The following LRRC37A2 variants were observed in gnomAD, a reference collection of about 807,000 sequenced individuals.
The protein encoded by LRRC37A2 is leucine rich repeat containing 37 member A2.
Under a neutral mutation model 68.8 loss-of-function variants are expected in LRRC37A2, and 9 were observed. The ratio of observed to expected loss-of-function variants is 0.13; its 90% CI spans 0.08 to 0.23. The LOEUF (loss-of-function observed/expected upper bound fraction) is 0.23, where lower values mean the gene tolerates loss of function less well. Among genes scored for constraint, LRRC37A2 ranks in the 10% least tolerant of loss-of-function variants. The pLI is 1.00. For synonymous variants in LRRC37A2, 63 were observed against 367.6 expected (o/e 0.17, Z 9.48); for missense variants, 168 against 950.4 (o/e 0.18, Z 10.82).
the LRRC37A2 span, among the ~76,000 whole-genome samples, chr17:46,999,403 A>T: frequency 1.3e-5 from 2 of 152,116 alleles, no homozygotes; most frequent in East Asian, 3.9e-4. Flanking sequence ...CATACCCAGG[A>T]TGTAGTGCAA....
the LRRC37A2 span, among the ~76,000 whole-genome samples, chr17:46,626,001 T>A: frequency 6.7e-6 from 1 of 149,328 alleles, no homozygotes; most frequent in Admixed American, 6.6e-5. Flanking sequence ...GGACTGTTTT[T>A]TTTTTTATTT....
chr17:46,789,967 G>A, the LRRC37A2 span, among the ~76,000 whole-genome samples: 6 of 152,112 alleles, frequency 3.9e-5, no homozygotes, highest in East Asian at 3.8e-4. Context: ...CCCCCACGGC[G>A]CTGAGGATGG....
At chr17:46,980,814 C>T in the LRRC37A2 span, among the ~76,000 whole-genome samples, 3 of 151,602 alleles carry the variant, frequency 2.0e-5, no homozygotes, top group Non-Finnish European at 4.4e-5. Flanking sequence ...GCCTGGGTGA[C>T]AGAGCGAGAC....
At chr17:46,935,724 C>T in the LRRC37A2 span, 2 of 988,898 alleles carry the variant, frequency 2.0e-6, no homozygotes, top group Non-Finnish European at 2.4e-6. Flanking sequence ...TCTTCACTCC[C>T]TAGCCTTAGG....
At chr17:46,388,044 G>A in the LRRC37A2 span, among the ~76,000 whole-genome samples, 17 of 630 alleles carry the variant, frequency 0.027, no homozygotes, top group Middle Eastern at 0.25. Context: ...CTTTAAAACA[G>A]ACAAACACTC....
At chr17:46,973,769 C>T in the LRRC37A2 span, among the ~76,000 whole-genome samples, 1 of 152,132 alleles carries the variant, frequency 6.6e-6, no homozygotes, top group Non-Finnish European at 1.5e-5. Context: ...AGATACTACT[C>T]GGAAATCCCA....
the LRRC37A2 span, chr17:46,756,813 C>T: frequency 6.6e-6 from 1 of 152,640 alleles, no homozygotes; most frequent in African/African-American, 2.4e-5. Flanking sequence ...TTCTAGCCCT[C>T]TCCCTCAGTC....
the LRRC37A2 span, among the ~76,000 whole-genome samples, chr17:46,949,587 C>A: frequency 6.6e-6 from 1 of 152,136 alleles, no homozygotes; most frequent in Admixed American, 6.5e-5. Flanking sequence ...GCCACACTCC[C>A]CTTGAATGAT....
the LRRC37A2 span, among the ~76,000 whole-genome samples, chr17:46,815,172 C>T: frequency 1.3e-4 from 20 of 152,214 alleles, no homozygotes; most frequent in Admixed American, 2.6e-4. Flanking sequence ...ATCCCCCCAC[C>T]CCAGCGCCCC....
the LRRC37A2 span, chr17:47,024,861 A>G: frequency 8.3e-6 from 5 of 602,578 alleles, no homozygotes; most frequent in South Asian, 9.9e-5. Context: ...AAATTCTGCA[A>G]TTCTGTAAGT....
At chr17:46,966,356 C>T in the LRRC37A2 span, among the ~76,000 whole-genome samples, 1 of 152,138 alleles carries the variant, frequency 6.6e-6, no homozygotes, top group Non-Finnish European at 1.5e-5. Flanking sequence ...CGATCATGGC[C>T]CATTGTGTGA....
At chr17:46,760,142 G>T in the LRRC37A2 span, among the ~76,000 whole-genome samples, 1 of 152,130 alleles carries the variant, frequency 6.6e-6, no homozygotes, top group Admixed American at 6.6e-5. Flanking sequence ...GAGTGCGCCT[G>T]AGTCCTAGTT....
chr17:46,496,931 ATTACTTAAT>A, the LRRC37A2 span, among the ~76,000 whole-genome samples: 1 of 141,224 alleles, frequency 7.1e-6, no homozygotes, highest in Non-Finnish European at 1.6e-5. Flanking sequence ...AAAAAAAAAA[ATTACTTAAT>A]ATTAATATAA....
chr17:46,892,759 C>G, the LRRC37A2 span, among the ~76,000 whole-genome samples: 1 of 151,884 alleles, frequency 6.6e-6, no homozygotes, highest in Non-Finnish European at 1.5e-5. Context: ...ACTGGGGGCT[C>G]AAGGATGGAC....
the LRRC37A2 span, among the ~76,000 whole-genome samples, chr17:46,965,243 A>T: frequency 1.3e-5 from 2 of 152,238 alleles, no homozygotes; most frequent in Non-Finnish European, 2.9e-5. Context: ...AACCTGTCCC[A>T]GTCTTTACAG....
chr17:46,739,285 C>T, the LRRC37A2 span, among the ~76,000 whole-genome samples: 3 of 148,412 alleles, frequency 2.0e-5, no homozygotes, highest in Non-Finnish European at 4.4e-5. Context: ...GCAGGAGAAT[C>T]GCTTGAACCC....
the LRRC37A2 span, among the ~76,000 whole-genome samples, chr17:46,569,323 G>A: frequency 6.7e-6 from 1 of 149,668 alleles, no homozygotes; most frequent in African/African-American, 2.5e-5. Flanking sequence ...TATTAATTTT[G>A]GAGATGTTAT....
At chr17:46,935,210 T>C in the LRRC37A2 span, 1 of 1,613,010 alleles carries the variant, frequency 6.2e-7, no homozygotes. Context: ...GCCTCTTGTT[T>C]TAGCCTCATC....
At chr17:47,010,151 C>T in the LRRC37A2 span, among the ~76,000 whole-genome samples, 2 of 152,166 alleles carry the variant, frequency 1.3e-5, no homozygotes, top group Admixed American at 6.5e-5. Context: ...AGGGGTGGAC[C>T]GTGGGATTGG....
Sources: allele counts gnomAD v4.1 joint callset (sites outside exome capture counted in the v4.1 genomes callset), GRCh38; gene constraint gnomAD v4.1.1; transcripts MANE v1.5; gene names NCBI Gene and HGNC (gene_info 2026-07-23, HGNC 2026-07-21).